ARPC5L: variants seen among roughly 807,000 people sequenced by gnomAD.
ARPC5L encodes actin-related protein 2/3 complex subunit 5-like protein.
In ARPC5L, 4 loss-of-function variants were observed where a neutral mutation model predicts 16.9. That is an observed-to-expected ratio of 0.24 (90% CI 0.12 to 0.54). The LOEUF (loss-of-function observed/expected upper bound fraction) is 0.54, where lower values mean the gene tolerates loss of function less well. Ranked by LOEUF, ARPC5L falls within the 20% of genes least tolerant of loss-of-function variation. ARPC5L has a pLI of 0.95. For synonymous variants in ARPC5L, 78 were observed against 82.6 expected (o/e 0.94, Z 0.30); for missense variants, 151 against 201.9 (o/e 0.75, Z 1.53).
chr9:124,862,619 C>T (rs1352708837), intron 1 of ARPC5L, among the ~76,000 whole-genome samples: 1 of 148,136 alleles, frequency 6.8e-6, no homozygotes, highest in Non-Finnish European at 1.5e-5. Flanking sequence ...CCGGGTTCAG[C>T]GATTCTCCTG....
intron 2 of ARPC5L, among the ~76,000 whole-genome samples, chr9:124,865,910 G>A (rs1464120977): frequency 1.3e-5 from 2 of 151,926 alleles, no homozygotes; most frequent in South Asian, 4.2e-4. Flanking sequence ...TTCGAGACCA[G>A]CCTGACCAAC....
chr9:124,866,551 G>A (rs952193026), intron 2 of ARPC5L, among the ~76,000 whole-genome samples: 4 of 151,782 alleles, frequency 2.6e-5, no homozygotes, highest in East Asian at 1.9e-4. Context: ...GAGAAACCCC[G>A]TTTCTACTAA....
rs371041490 is a variant in ARPC5L, at chr9:124,873,777, C to T, written c.222+13C>T. 1.4e-5 allele frequency: 23 copies of T among 1,613,916 alleles called. No individual in the cohort carries two copies. The highest frequency in any genetic ancestry group is 1.3e-4 in the African/African-American group (10 of 74,912). The stretch of plus-strand genomic sequence containing the variant: ...TCAAGCTGTGAAGGTAAAGGGGTGG[C>T]GCTGCGGCTCTGCTGGGTGCTGTTG... On this transcript the variant is annotated intron_variant, in intron 4 of 5. Coordinates refer to ENST00000353214, the MANE Select transcript of ARPC5L (RefSeq NM_030978.3).
chr9:124,871,443 C>G (rs1588043605), intron 3 of ARPC5L, among the ~76,000 whole-genome samples: 1 of 152,330 alleles, frequency 6.6e-6, no homozygotes, highest in African/African-American at 2.4e-5. Context: ...GGACATGCAG[C>G]TCGGGTCTGC....
At chr9:124,873,952 A>T (rs911098370) in intron 4 of ARPC5L, among the ~76,000 whole-genome samples, 188 bp downstream of exon 4, 3 of 152,142 alleles carry the variant, frequency 2.0e-5, no homozygotes, top group Non-Finnish European at 4.4e-5. Context: ...GTCAGCGTTT[A>T]TATACGAGAA....
chr9:124,865,999 G>C (rs2131330104), intron 2 of ARPC5L, among the ~76,000 whole-genome samples: 1 of 152,146 alleles, frequency 6.6e-6, no homozygotes, highest in African/African-American at 2.4e-5. Context: ...CAGCTACTTG[G>C]GAGGCTGAGG....
chr9:124,862,993 A>C (rs1252889576), intron 1 of ARPC5L, among the ~76,000 whole-genome samples: 2 of 151,476 alleles, frequency 1.3e-5, no homozygotes, highest in Non-Finnish European at 2.9e-5. Flanking sequence ...AACTACAGGC[A>C]CAAGCCACCA....
intron 4 of ARPC5L, among the ~76,000 whole-genome samples, chr9:124,874,627 A>G (rs1208633264): frequency 1.3e-5 from 2 of 152,136 alleles, no homozygotes; most frequent in Non-Finnish European, 2.9e-5. Flanking sequence ...GGCTGCAGTG[A>G]GCTGAGATTG....
chr9:124,873,500 TG>T, intron 3 of ARPC5L, 191 bp from the exon 4 acceptor site: 1 of 622,234 alleles, frequency 1.6e-6, no homozygotes, highest in East Asian at 2.7e-5. Flanking sequence ...AGGGTTTGCA[TG>T]GTTGGCAGAG....
chr9:124,869,312 T>A lies in ARPC5L; in HGVS notation c.22T>A (p.Ser8Thr). 6.5e-7 allele frequency: 1 copy of A among 1,530,988 alleles called. No individual in the cohort carries two copies. The highest frequency in any genetic ancestry group is 8.8e-7 in the Non-Finnish European group (1 of 1,139,020). The allele number at this position is 1,530,988 out of a possible 1,614,324, so 94.8% of individuals were successfully genotyped here. A position where few individuals can be genotyped will look rare whatever the true frequency, so the allele number is the denominator to read the frequency against. ...CGCCATGGCCCGGAACACGCTGTCC[T>A]CGCGCTTCCGCCGGGTGGACATCGA... MARNTLSSRFRRVDIDEF... is the reference protein window; with the variant it reads MARNTLSTRFRRVDIDEF... The change falls in exon 3 of 6, where the codon TCG becomes ACG. Residue 8 changes from serine to threonine, a missense_variant. By Grantham distance (58) the Ser-to-Thr change is moderately conservative (BLOSUM62 1). Coordinates refer to ENST00000353214, the MANE Select transcript of ARPC5L (RefSeq NM_030978.3).
In ARPC5L at chr9:124,869,161, A is replaced by AG; in HGVS notation, c.-128dup. ...GGCGGGCGGCGGCGGCTGCGCGCGGAGGCGGTGGAGGAGGTGCTGGGAGCA... is the reference window on the plus strand; with the variant it reads ...GGCGGGCGGCGGCGGCTGCGCGCGGAGGGCGGTGGAGGAGGTGCTGGGAGCA... On this transcript the variant is annotated 5_prime_UTR_variant, in exon 3 of 6. Transcript: ENST00000353214. The AG allele has an allele frequency of 9.8e-7, 1 of 1,019,700 alleles. No homozygotes were observed. The highest frequency in any genetic ancestry group is 1.3e-6 in the Non-Finnish European group (1 of 785,934). The allele number at this position is 1,019,700 out of a possible 1,614,324, so 63.2% of individuals were successfully genotyped here.
At chr9:124,866,540 G>T (rs550645039) in intron 2 of ARPC5L, among the ~76,000 whole-genome samples, 1 of 152,166 alleles carries the variant, frequency 6.6e-6, no homozygotes, top group South Asian at 2.1e-4. Flanking sequence ...CAGCCAACAT[G>T]GAGAAACCCC....
In ARPC5L at chr9:124,868,994, C is replaced by A. The variant is rs1481284744; in HGVS notation, c.-297C>A. On this transcript the variant is annotated 5_prime_UTR_variant, in exon 3 of 6. Transcript: ENST00000353214. The stretch of plus-strand genomic sequence containing the variant: ...GCGGGGCCTGCACAGATGCCGGGCG[C>A]CCGATCCTCAGTGACAAAATAGAGA... 3 of 301,570 alleles carry A rather than the reference C, an allele frequency of 9.9e-6. No individual in the cohort carries two copies. Among genetic ancestry groups the A allele is most frequent in the South Asian group, 1.3e-4 (1 of 7,522 alleles). The allele number at this position is 301,570 out of a possible 1,614,324, so 18.7% of individuals were successfully genotyped here.
intron 3 of ARPC5L, among the ~76,000 whole-genome samples, chr9:124,871,233 G>A (rs1338327912): frequency 6.6e-6 from 1 of 152,220 alleles, no homozygotes; most frequent in Non-Finnish European, 1.5e-5. Context: ...AGATGACACA[G>A]ATGGAGTAGA....
intron 3 of ARPC5L, among the ~76,000 whole-genome samples, chr9:124,869,727 C>G (rs1224948746): frequency 1.3e-5 from 2 of 152,248 alleles, no homozygotes; most frequent in South Asian, 4.1e-4. Context: ...GTCCCGCGCC[C>G]TCTTCCCTCC....
At chr9:124,875,408 G>T (rs1829418696) in intron 5 of ARPC5L, among the ~76,000 whole-genome samples, 1 of 152,198 alleles carries the variant, frequency 6.6e-6, no homozygotes, top group Admixed American at 6.5e-5. Context: ...GGTGCCCTTG[G>T]TACAGGACAT....
At chr9:124,875,515 A>T (rs1483114781) in intron 5 of ARPC5L, among the ~76,000 whole-genome samples, 1 of 152,164 alleles carries the variant, frequency 6.6e-6, no homozygotes, top group Non-Finnish European at 1.5e-5. Context: ...GCAGTGGTGG[A>T]GGCAGCTGTT....
chr9:124,871,661 G>A (rs755908380), intron 3 of ARPC5L, among the ~76,000 whole-genome samples: 2 of 152,192 alleles, frequency 1.3e-5, no homozygotes, highest in African/African-American at 2.4e-5. Flanking sequence ...ACCTTGTGGC[G>A]ATTTAAAAGT....
chr9:124,869,294 G>T lies in ARPC5L; in HGVS notation c.4G>T (p.Ala2Ser). 1 of 1,524,478 alleles carries T rather than the reference G, an allele frequency of 6.6e-7. No individual in the cohort carries two copies. The highest frequency in any genetic ancestry group is 2.0e-5 in the Admixed American group (1 of 49,370). The allele number at this position is 1,524,478 out of a possible 1,614,324, so 94.4% of individuals were successfully genotyped here. A position where few individuals can be genotyped will look rare whatever the true frequency, so the allele number is the denominator to read the frequency against. Residue 2 changes from alanine to serine, a missense_variant, in exon 3 of 6, where the codon GCC becomes TCC. Transcript: ENST00000353214. The part of the protein sequence containing the change: M[A>S]RNTLSSRFRR... ...GAGCGGGCGCCGAGCTCCCGCCATG[G>T]CCCGGAACACGCTGTCCTCGCGCTT...
Sources: allele counts gnomAD v4.1 joint callset (sites outside exome capture counted in the v4.1 genomes callset), GRCh38; gene constraint gnomAD v4.1.1; transcripts MANE v1.5; gene names NCBI Gene and HGNC (gene_info 2026-07-23, HGNC 2026-07-21).